The following EBF1 variants were observed in gnomAD, a reference collection of about 807,000 sequenced individuals.
EBF1 encodes EBF transcription factor 1, also known as transcription factor COE1.
EBF1 carries 10 observed loss-of-function variants against 68.4 expected under a neutral mutation model. The observed-to-expected ratio is 0.15, with a 90% CI of 0.09 to 0.25. The LOEUF is 0.25. Among genes scored for constraint, EBF1 ranks in the 10% least tolerant of loss-of-function variants. The pLI is 1.00. For missense variants in EBF1, 509 were observed against 794.4 expected (o/e 0.64, Z 4.32); for synonymous variants, 298 against 299.8 (o/e 0.99, Z 0.06).
chr5:158,771,957 C>T (rs1359060148), intron 10 of EBF1, among the ~76,000 whole-genome samples: 1 of 152,126 alleles, frequency 6.6e-6, no homozygotes, highest in Non-Finnish European at 1.5e-5. Context: ...AGAGTTTGAA[C>T]TGGATCCTTC....
chr5:159,088,990 T>C (rs1781179891), intron 4 of EBF1, among the ~76,000 whole-genome samples: 1 of 152,092 alleles, frequency 6.6e-6, no homozygotes, highest in Admixed American at 6.6e-5. Context: ...AGTTAAATAG[T>C]AAACAACATT....
intron 6 of EBF1, among the ~76,000 whole-genome samples, chr5:158,923,916 G>GC (rs1472049671): frequency 6.6e-6 from 1 of 152,182 alleles, no homozygotes; most frequent in Admixed American, 6.5e-5. Flanking sequence ...CTTTCTTTTA[G>GC]CCTTTTTTGG....
intron 6 of EBF1, among the ~76,000 whole-genome samples, chr5:158,992,652 T>C (rs1760570394): frequency 6.6e-6 from 1 of 152,162 alleles, no homozygotes; most frequent in Non-Finnish European, 1.5e-5. Flanking sequence ...GCTGAGAAAA[T>C]ATATATCTCA....
chr5:159,021,016 C>T (rs1053100248), intron 6 of EBF1, among the ~76,000 whole-genome samples: 1 of 152,204 alleles, frequency 6.6e-6, no homozygotes, highest in Non-Finnish European at 1.5e-5. Context: ...AGACTCGCTC[C>T]GGGGTGTGTT....
At chr5:158,860,798 C>T (rs1187802236) in intron 6 of EBF1, among the ~76,000 whole-genome samples, 2 of 152,138 alleles carry the variant, frequency 1.3e-5, no homozygotes, top group Non-Finnish European at 2.9e-5. Context: ...ATGTGTGTCT[C>T]GGCGCATAAA....
chr5:159,002,612 A>C (rs1388312094), intron 6 of EBF1, among the ~76,000 whole-genome samples: 1 of 152,250 alleles, frequency 6.6e-6, no homozygotes, highest in Non-Finnish European at 1.5e-5. Flanking sequence ...AATAATGAAC[A>C]TACCCTTTAA....
intron 6 of EBF1, among the ~76,000 whole-genome samples, chr5:158,913,626 T>C (rs973016114): frequency 6.6e-6 from 1 of 151,988 alleles, no homozygotes; most frequent in African/African-American, 2.4e-5. Context: ...GATTTATGTA[T>C]TGCTTGGGAG....
At chr5:159,000,795 A>G (rs187470634) in intron 6 of EBF1, among the ~76,000 whole-genome samples, 3 of 152,280 alleles carry the variant, frequency 2.0e-5, no homozygotes, top group Admixed American at 6.5e-5. Context: ...TCAAATGACC[A>G]ATGAGTGATG....
At chr5:158,956,082 C>T (rs1344565738) in intron 6 of EBF1, among the ~76,000 whole-genome samples, 1 of 137,914 alleles carries the variant, frequency 7.3e-6, no homozygotes, top group Non-Finnish European at 1.5e-5. Context: ...GTGTGTCTTT[C>T]AGATTTAGAA....
At chr5:159,063,015 A>T (rs544672566) in intron 6 of EBF1, among the ~76,000 whole-genome samples, 1 of 152,288 alleles carries the variant, frequency 6.6e-6, no homozygotes, top group African/African-American at 2.4e-5. Flanking sequence ...GTGCCATTTC[A>T]CTTTATTGTG....
intron 6 of EBF1, among the ~76,000 whole-genome samples, chr5:158,912,002 C>T (rs1443049091): frequency 6.6e-6 from 1 of 152,190 alleles, no homozygotes; most frequent in Non-Finnish European, 1.5e-5. Context: ...TTCCATTTCT[C>T]CAAGTTCATT....
chr5:158,704,453 G>T (rs1438240826), intron 15 of EBF1, among the ~76,000 whole-genome samples: 1 of 152,028 alleles, frequency 6.6e-6, no homozygotes. Context: ...TGTTGACATG[G>T]GCAATTTGCT....
At chr5:158,895,999 T>C (rs1802107471) in intron 6 of EBF1, among the ~76,000 whole-genome samples, 1 of 152,206 alleles carries the variant, frequency 6.6e-6, no homozygotes, top group Non-Finnish European at 1.5e-5. Context: ...TCCCAATTAC[T>C]GTATACAACA....
At chr5:158,905,701 A>C (rs1804433836) in intron 6 of EBF1, among the ~76,000 whole-genome samples, 1 of 152,214 alleles carries the variant, frequency 6.6e-6, no homozygotes, top group East Asian at 1.9e-4. Flanking sequence ...ACTACCATAA[A>C]CCATTTTTTC....
chr5:158,855,114 A>G (rs1793720126), intron 6 of EBF1, among the ~76,000 whole-genome samples: 1 of 152,254 alleles, frequency 6.6e-6, no homozygotes. Context: ...GCGAGTTAAA[A>G]GTAAAACCAC....
At position 158,736,737 on chromosome 5, in the gene EBF1, G is replaced by C. The variant is rs529795603; in HGVS notation, c.1037-5580C>G. ...ATGAGAGTTATTACATATGTGTTAGGCAGAGCCTTTTTGTTCCATAATGGC... is the reference window on the plus strand; with the variant it reads ...ATGAGAGTTATTACATATGTGTTAGCCAGAGCCTTTTTGTTCCATAATGGC... On this transcript the variant is annotated intron_variant, in intron 10 of 15. Coordinates refer to ENST00000313708, the MANE Select transcript of EBF1 (RefSeq NM_024007.5). Among the ~76,000 whole-genome samples the C allele has an allele frequency of 7.2e-5, 11 of 152,274 alleles. No individual in the cohort carries two copies. In the East Asian group the frequency reaches 1.9e-3, roughly 27 times the overall value.
chr5:159,072,918 T>C (rs1253573255), intron 6 of EBF1, among the ~76,000 whole-genome samples: 1 of 152,230 alleles, frequency 6.6e-6, no homozygotes, highest in African/African-American at 2.4e-5. Context: ...TAGAAAATCT[T>C]GGTTCACAGA....
intron 6 of EBF1, among the ~76,000 whole-genome samples, chr5:158,912,453 C>T (rs544811109): frequency 7.2e-4 from 110 of 152,250 alleles, no homozygotes; most frequent in Non-Finnish European, 1.5e-3. Context: ...ACTTAACATA[C>T]GGTGTACCCG....
rs1468658514 is a variant in EBF1, at chr5:159,089,812, G to GA, written c.412-5074dup. The stretch of plus-strand genomic sequence containing the variant: ...AAAAAGAAAAGAAGAAAGAAAGAAA[G>GA]AAGGAAAGAAAGAAAGAAGAAAAGA... On this transcript the variant is annotated intron_variant, in intron 4 of 15. Coordinates refer to ENST00000313708, the MANE Select transcript of EBF1 (RefSeq NM_024007.5). Among the ~76,000 whole-genome samples, 396 of 147,280 alleles carry GA rather than the reference G, an allele frequency of 2.7e-3. 2 individuals are homozygous for GA. Among genetic ancestry groups the GA allele is most frequent in the African/African-American group, 9.3e-3 (371 of 39,860 alleles).
Sources: gnomAD v4.1 joint callset for allele counts (sites outside exome capture counted in the v4.1 genomes callset) on GRCh38, gnomAD v4.1.1 for gene constraint, MANE v1.5 for transcripts, NCBI Gene and HGNC (gene_info 2026-07-23, HGNC 2026-07-21) for gene names.